Variants in MYO10 observed in about 807,000 individuals in gnomAD.
The protein encoded by MYO10 is unconventional myosin-X.
A neutral mutation model predicts 257.3 loss-of-function variants in MYO10; 133 were observed. That is an observed-to-expected ratio of 0.52 (90% CI 0.45 to 0.60). The LOEUF is 0.60. Ranked by LOEUF, MYO10 falls within the 20% of genes least tolerant of loss-of-function variation. The pLI, the probability that MYO10 is intolerant of heterozygous loss-of-function variation, is 0.00. For missense variants in MYO10, 2,399 were observed against 2,635.7 expected, an observed-to-expected ratio of 0.91 and a Z score of 1.97; for synonymous variants, 1,104 against 1,028.6, an observed-to-expected ratio of 1.07 and a Z score of -1.40.
At chr5:16,827,401 C>T (rs1220117637) in intron 2 of MYO10, among the ~76,000 whole-genome samples, 1 of 152,186 alleles carries the variant, frequency 6.6e-6, no homozygotes, top group Non-Finnish European at 1.5e-5. Flanking sequence ...ATTCTCCTGG[C>T]TCAGCCTCCC....
chr5:16,696,955 T>C (rs1737774228), intron 26 of MYO10, among the ~76,000 whole-genome samples: 1 of 152,124 alleles, frequency 6.6e-6, no homozygotes, highest in Admixed American at 6.6e-5. Context: ...ATGGGAATTA[T>C]ATATTAGTAA....
At chr5:16,851,519 C>T (rs547827781) in intron 2 of MYO10, among the ~76,000 whole-genome samples, 1 of 152,138 alleles carries the variant, frequency 6.6e-6, no homozygotes, top group South Asian at 2.1e-4. Flanking sequence ...ATCTTATGAA[C>T]GTTAGAGAAT....
At chr5:16,830,665 T>C (rs887046728) in intron 2 of MYO10, among the ~76,000 whole-genome samples, 1 of 48,054 alleles carries the variant, frequency 2.1e-5, no homozygotes, top group Non-Finnish European at 4.6e-5. Flanking sequence ...ATCCTAACGT[T>C]ATTTTTTTAA....
chr5:16,895,573 G>A (rs1348008485), intron 1 of MYO10, among the ~76,000 whole-genome samples: 1 of 151,856 alleles, frequency 6.6e-6, no homozygotes, highest in East Asian at 1.9e-4. Context: ...AGGACCAATG[G>A]TAAGAACACC....
In MYO10 at chr5:16,769,490, A is replaced by T. The variant is rs1579970763; in HGVS notation, c.931-287T>A. 3.3e-5 allele frequency among the ~76,000 whole-genome samples: 5 copies of T among 152,234 alleles called. 1 individual carries two copies. The highest frequency in any genetic ancestry group is 3.3e-4 in the Admixed American group (5 of 15,278). Reference sequence around the variant, plus strand: ...GCTGGGATTACAGGTGTGTGCCACCATGCCTAGCTAATTTTTTGTGTGTGT... The same window carrying T: ...GCTGGGATTACAGGTGTGTGCCACCTTGCCTAGCTAATTTTTTGTGTGTGT... On this transcript the variant is annotated intron_variant, in intron 9 of 40. Coordinates refer to ENST00000513610, the MANE Select transcript of MYO10 (RefSeq NM_012334.3).
chr5:16,801,703 T>A (rs1016471230), intron 3 of MYO10, among the ~76,000 whole-genome samples: 3 of 152,210 alleles, frequency 2.0e-5, no homozygotes, highest in African/African-American at 7.2e-5. Flanking sequence ...AAGATACATA[T>A]GTTCATAACA....
rs1324292276 is a variant in MYO10, at chr5:16,701,111, T to C, written c.3284A>G (p.Asp1095Gly). 1.3e-6 allele frequency: 2 copies of C among 1,592,024 alleles called. No individual in the cohort carries two copies. The highest frequency in any genetic ancestry group is 2.7e-5 in the African/African-American group (2 of 74,652). ...PDGDYDYDQD[D>G]YEDGAITSGS... ...GGAAGTGATGGCACCGTCCTCATAGTCATCCTGGTCGTAGTCGTAGTCGCC... is the reference window on the plus strand; with the variant it reads ...GGAAGTGATGGCACCGTCCTCATAGCCATCCTGGTCGTAGTCGTAGTCGCC... The change falls in exon 25 of 41, where the codon GAC becomes GGC. Residue 1095 changes from aspartate to glycine, a missense_variant. Asp to Gly is a moderately conservative substitution (Grantham distance 94). This residue lies in a region of MYO10 where 1,820 missense variants were observed against 1,939.4 expected (regional missense o/e 0.94). Coordinates refer to ENST00000513610, the MANE Select transcript of MYO10 (RefSeq NM_012334.3). The surrounding 1 kb of genome is among the most constrained non-coding windows in gnomAD (Gnocchi z 8.1).
intron 3 of MYO10, among the ~76,000 whole-genome samples, chr5:16,808,718 C>T (rs933514552): frequency 6.6e-6 from 1 of 152,142 alleles, no homozygotes; most frequent in Non-Finnish European, 1.5e-5. Context: ...ATTGCATAGG[C>T]TGGAGTGCAG....
intron 18 of MYO10, 142 bp downstream of exon 18, chr5:16,757,976 A>G: frequency 2.9e-6 from 2 of 683,718 alleles, no homozygotes; most frequent in Non-Finnish European, 2.5e-6. Flanking sequence ...TTTCTAAAGC[A>G]CTATCTGGTT....
At chr5:16,759,644 T>C (rs986596614) in intron 17 of MYO10, among the ~76,000 whole-genome samples, 5 of 152,094 alleles carry the variant, frequency 3.3e-5, no homozygotes, top group Non-Finnish European at 5.9e-5. Context: ...CTGGCGAAAC[T>C]CCACCTCGCT....
intron 29 of MYO10, among the ~76,000 whole-genome samples, chr5:16,685,098 A>G (rs1053167187): frequency 6.6e-6 from 1 of 152,132 alleles, no homozygotes; most frequent in Non-Finnish European, 1.5e-5. Context: ...TCTGAAGAGT[A>G]AGTGTGATGT....
intron 2 of MYO10, among the ~76,000 whole-genome samples, chr5:16,826,959 C>T (rs1401788482): frequency 3.9e-5 from 6 of 152,150 alleles, no homozygotes; most frequent in Admixed American, 1.3e-4. Flanking sequence ...CGTGCTTAAG[C>T]TCCATGATTA....
chr5:16,771,496 A>G (rs1433377664), intron 9 of MYO10, among the ~76,000 whole-genome samples: 6 of 150,282 alleles, frequency 4.0e-5, no homozygotes, highest in Non-Finnish European at 8.9e-5. Flanking sequence ...CGCACAACCA[A>G]AATTCAAACT....
At chr5:16,713,548 CAGGGG>C in intron 19 of MYO10, 3 of 939,330 alleles carry the variant, frequency 3.2e-6, no homozygotes, top group Non-Finnish European at 3.8e-6. Flanking sequence ...TTGACACAGC[CAGGGG>C]AGGGGAGGGA....
intron 9 of MYO10, among the ~76,000 whole-genome samples, chr5:16,778,792 G>A (rs974989393): frequency 6.8e-6 from 1 of 146,922 alleles, no homozygotes; most frequent in Non-Finnish European, 1.5e-5. Flanking sequence ...CCGGGTTCAC[G>A]CCATTCTCCT....
chr5:16,761,466 G>C lies in MYO10; in HGVS notation c.1737C>G (p.Ser579Arg), dbSNP rs752324383. Residue 579 changes from serine (S) to arginine (R), a missense_variant and splice_region_variant, in exon 17 of 41, where the codon AGC becomes AGG. Transcript: ENST00000513610. Reference protein sequence around the residue: ...RDDLLNLLRESRFDFIYDLFE... With the variant: ...RDDLLNLLRERRFDFIYDLFE... ...TCTCGGTGAGAAGACTGACATACCG[G>C]CTTTCTCTTAGCAAATTGAGAAGGT... 1.9e-6 allele frequency: 3 copies of C among 1,609,688 alleles called. No individual in the cohort carries two copies. The highest frequency in any genetic ancestry group is 2.5e-6 in the Non-Finnish European group (3 of 1,176,876).
At chr5:16,863,766 G>A (rs1349398928) in intron 2 of MYO10, among the ~76,000 whole-genome samples, 1 of 152,042 alleles carries the variant, frequency 6.6e-6, no homozygotes, top group Non-Finnish European at 1.5e-5. Flanking sequence ...CTGGCCCTAG[G>A]GCCTGAGTGG....
At chr5:16,686,469 C>G (rs983371537) in intron 28 of MYO10, among the ~76,000 whole-genome samples, 2 of 152,002 alleles carry the variant, frequency 1.3e-5, no homozygotes, top group Non-Finnish European at 2.9e-5. Context: ...CTTCCAGTCC[C>G]AAGCATTTTG....
intron 2 of MYO10, among the ~76,000 whole-genome samples, chr5:16,861,007 C>T (rs1039376505): frequency 6.6e-6 from 1 of 152,108 alleles, no homozygotes; most frequent in African/African-American, 2.4e-5. Context: ...AACCTGGTTG[C>T]TCATTAAACA....
Sources: allele counts gnomAD v4.1 joint callset (sites outside exome capture counted in the v4.1 genomes callset), GRCh38; gene constraint gnomAD v4.1.1; regional missense constraint gnomAD v4.1.1; non-coding constraint Gnocchi (gnomAD v3.1); transcripts MANE v1.5; gene names NCBI Gene and HGNC (gene_info 2026-07-23, HGNC 2026-07-21).